RCL1: variants seen among roughly 807,000 people sequenced by gnomAD.
RCL1 encodes RNA terminal phosphate cyclase like 1, also known as RNA 3'-terminal phosphate cyclase-like protein.
In RCL1, 24 loss-of-function variants were observed where a neutral mutation model predicts 42.4. The ratio of observed to expected loss-of-function variants is 0.57; its 90% CI spans 0.41 to 0.80. RCL1 has a LOEUF of 0.80. Ranked by LOEUF, RCL1 falls within the 30% of genes least tolerant of loss-of-function variation. The pLI is 0.00. For synonymous variants in RCL1, 228 were observed against 177.3 expected (o/e 1.29, Z -2.27); for missense variants, 578 against 467.9 (o/e 1.24, Z -2.17).
chr9:4,855,062 A>AC lies in RCL1; in HGVS notation c.972-5063_972-5062insC, dbSNP rs200225851. Among the ~76,000 whole-genome samples the AC allele has an allele frequency of 5.5e-3, 724 of 131,632 alleles. 17 individuals carry two copies. Among genetic ancestry groups the AC allele is most frequent in the African/African-American group, 0.024 (686 of 28,344 alleles). 86.4% of individuals were successfully genotyped at this position (131,632 alleles called of 152,430 possible). A position where few individuals can be genotyped will look rare whatever the true frequency, so the allele number is the denominator to read the frequency against. On this transcript the variant is annotated intron_variant, in intron 8 of 8. Coordinates refer to ENST00000381750, the MANE Select transcript of RCL1 (RefSeq NM_005772.5). ...AGCAAGACTCCGTCTCAAAAAAAAA[A>AC]AAAAAAAAAAATAGGAAAAGTTATC...
chr9:4,846,584 G>C (rs1563854856), intron 7 of RCL1, among the ~76,000 whole-genome samples: 2 of 152,302 alleles, frequency 1.3e-5, no homozygotes, highest in South Asian at 4.1e-4. Context: ...GCGGGAAACA[G>C]TGCATGCAAT....
chr9:4,823,706 T>C, intron 2 of RCL1, 87 bp downstream of exon 2: 1 of 888,752 alleles, frequency 1.1e-6, no homozygotes, highest in East Asian at 2.5e-5. Context: ...TTTTTTTTTC[T>C]AGTCAGTCTC....
At chr9:4,851,278 G>A (rs1267268532) in intron 8 of RCL1, among the ~76,000 whole-genome samples, 2 of 152,218 alleles carry the variant, frequency 1.3e-5, no homozygotes, top group Non-Finnish European at 2.9e-5. Context: ...CAAATTGTAA[G>A]ATGATGTATC....
intron 1 of RCL1, among the ~76,000 whole-genome samples, chr9:4,817,912 A>ATTTT (rs66886360): frequency 0.016 from 1,266 of 78,040 alleles, 9 homozygotes; most frequent in East Asian, 0.033. Flanking sequence ...CTTTTCTAAG[A>ATTTT]TTTTTTTTTT....
intron 1 of RCL1, among the ~76,000 whole-genome samples, chr9:4,797,106 GC>G (rs1842925431): frequency 1.3e-5 from 2 of 152,156 alleles, no homozygotes; most frequent in South Asian, 4.1e-4. Flanking sequence ...TTCGCTATTA[GC>G]TCTTGGTCCT....
chr9:4,793,942 A>C (rs1353368433), intron 1 of RCL1, among the ~76,000 whole-genome samples: 1 of 152,206 alleles, frequency 6.6e-6, no homozygotes, highest in Non-Finnish European at 1.5e-5. Context: ...CTGCAATGGT[A>C]GGTTAAAAAG....
chr9:4,856,235 A>T (rs1245496628), intron 8 of RCL1, among the ~76,000 whole-genome samples: 5 of 152,128 alleles, frequency 3.3e-5, no homozygotes, highest in Non-Finnish European at 5.9e-5. Flanking sequence ...AGATGGTGGG[A>T]TGGATAGAAA....
intron 1 of RCL1, among the ~76,000 whole-genome samples, chr9:4,810,207 A>G (rs1434209587): frequency 6.6e-6 from 1 of 152,184 alleles, no homozygotes. Context: ...GAAGCGTACC[A>G]TATATTAAGA....
chr9:4,810,160 C>T (rs908563823), intron 1 of RCL1, among the ~76,000 whole-genome samples: 1 of 152,124 alleles, frequency 6.6e-6, no homozygotes, highest in Non-Finnish European at 1.5e-5. Flanking sequence ...TTTTTTCTTT[C>T]AACTTTGTTT....
chr9:4,831,533 G>A (rs1816943638), intron 3 of RCL1, among the ~76,000 whole-genome samples: 1 of 152,146 alleles, frequency 6.6e-6, no homozygotes, highest in Admixed American at 6.5e-5. Flanking sequence ...CTGGAGTGCA[G>A]TGGCATGATC....
At chr9:4,807,123 C>G (rs1194298299) in intron 1 of RCL1, among the ~76,000 whole-genome samples, 1 of 152,080 alleles carries the variant, frequency 6.6e-6, no homozygotes, top group African/African-American at 2.4e-5. Flanking sequence ...TTGTGTTTGT[C>G]TGTGGGGGCG....
At chr9:4,856,327 A>C (rs980242008) in intron 8 of RCL1, among the ~76,000 whole-genome samples, 4 of 152,226 alleles carry the variant, frequency 2.6e-5, no homozygotes, top group Non-Finnish European at 5.9e-5. Context: ...ATTGCCAAGA[A>C]TGTTGAAAAT....
chr9:4,854,586 C>T (rs13287554), intron 8 of RCL1, among the ~76,000 whole-genome samples: 47,810 of 151,828 alleles, frequency 0.31, 7,736 homozygotes, highest in South Asian at 0.46. Flanking sequence ...TGATTGCCTT[C>T]ACCCCAATCT....
intron 1 of RCL1, among the ~76,000 whole-genome samples, chr9:4,797,240 C>T (rs1478226908): frequency 3.3e-5 from 5 of 152,182 alleles, no homozygotes; most frequent in African/African-American, 9.7e-5. Flanking sequence ...TCAAAGTGTA[C>T]TGAACAGTGC....
chr9:4,800,417 G>C (rs992053277), intron 1 of RCL1, among the ~76,000 whole-genome samples: 1 of 151,656 alleles, frequency 6.6e-6, no homozygotes, highest in Non-Finnish European at 1.5e-5. Flanking sequence ...GTTTCGGCAC[G>C]TTGGCCAGGC....
At chr9:4,854,369 A>G (rs141495061) in intron 8 of RCL1, among the ~76,000 whole-genome samples, 220 of 152,344 alleles carry the variant, frequency 1.4e-3, no homozygotes, top group South Asian at 1.2e-3. Flanking sequence ...TGTAATGACT[A>G]TAGGGACTCC....
intron 1 of RCL1, among the ~76,000 whole-genome samples, chr9:4,802,626 A>ATT: frequency 6.6e-6 from 1 of 151,444 alleles, no homozygotes; most frequent in Middle Eastern, 3.4e-3. Context: ...CAAAATGTTC[A>ATT]TTTTTTTTTA....
At chr9:4,827,731 A>AGT (rs71326142) in intron 3 of RCL1, among the ~76,000 whole-genome samples, 13,944 of 147,492 alleles carry the variant, frequency 0.095, 1,283 homozygotes, top group African/African-American at 0.24. Context: ...TCTAGGATGA[A>AGT]GTGTGTGTGT....
intron 1 of RCL1, among the ~76,000 whole-genome samples, chr9:4,814,807 G>C (rs922819464): frequency 2.0e-5 from 3 of 152,000 alleles, no homozygotes; most frequent in Non-Finnish European, 1.5e-5. Flanking sequence ...GTAAGGCCTG[G>C]CTAATAGTAA....
Sources: gnomAD v4.1 joint callset for allele counts (sites outside exome capture counted in the v4.1 genomes callset) on GRCh38, gnomAD v4.1.1 for gene constraint, MANE v1.5 for transcripts, NCBI Gene and HGNC (gene_info 2026-07-23, HGNC 2026-07-21) for gene names.